Variants in VAT1L observed in about 807,000 individuals in gnomAD.
The protein encoded by VAT1L is vesicle amine transport 1 like.
In VAT1L, 34 loss-of-function variants were observed where a neutral mutation model predicts 44.1. The ratio of observed to expected loss-of-function variants is 0.77; its 90% CI spans 0.59 to 1.03. The LOEUF (loss-of-function observed/expected upper bound fraction) is 1.03, where lower values mean the gene tolerates loss of function less well. Among genes scored for constraint, VAT1L ranks in the 50% least tolerant of loss-of-function variants. The pLI is 0.00. For missense variants in VAT1L, 615 were observed against 538.8 expected (o/e 1.14, Z -1.40); for synonymous variants, 253 against 202.2 (o/e 1.25, Z -2.13).
intron 7 of VAT1L, among the ~76,000 whole-genome samples, chr16:77,963,400 A>G (rs648251): frequency 0.087 from 13,189 of 152,170 alleles, 768 homozygotes; most frequent in Non-Finnish European, 0.12. Context: ...GGCTTCTTCT[A>G]AAGACGGGAA....
At chr16:77,909,821 C>G (rs145966036) in intron 7 of VAT1L, among the ~76,000 whole-genome samples, 1,551 of 152,122 alleles carry the variant, frequency 0.01, 8 homozygotes, top group Non-Finnish European at 0.016. Context: ...GGGATTTGAA[C>G]CGACATCACT....
At chr16:77,946,737 C>G (rs971218544) in intron 7 of VAT1L, among the ~76,000 whole-genome samples, 1 of 152,204 alleles carries the variant, frequency 6.6e-6, no homozygotes, top group African/African-American at 2.4e-5. Flanking sequence ...ACCTACCTCC[C>G]CAACTTACCA....
chr16:77,852,042 T>A (rs1471507349), intron 3 of VAT1L, among the ~76,000 whole-genome samples: 2 of 152,156 alleles, frequency 1.3e-5, no homozygotes, highest in African/African-American at 4.8e-5. Context: ...GCTTTGGGTC[T>A]TGTTCTGAAA....
At chr16:77,848,826 G>A (rs962055886) in intron 3 of VAT1L, among the ~76,000 whole-genome samples, 1 of 152,122 alleles carries the variant, frequency 6.6e-6, no homozygotes, top group Non-Finnish European at 1.5e-5. Flanking sequence ...TAAATAAAAT[G>A]TGGCACATAT....
chr16:77,793,478 G>A (rs1324124786), intron 1 of VAT1L, among the ~76,000 whole-genome samples: 2 of 152,172 alleles, frequency 1.3e-5, no homozygotes, highest in Admixed American at 1.3e-4. Flanking sequence ...TCAGAACTGT[G>A]CCTTTGCTGC....
chr16:77,952,855 T>A (rs1269259430), intron 7 of VAT1L, among the ~76,000 whole-genome samples: 8 of 92,234 alleles, frequency 8.7e-5, no homozygotes, highest in African/African-American at 1.7e-4. Context: ...AGACTCCATT[T>A]AAAAAAAAAA....
chr16:77,873,081 T>C lies in VAT1L; in HGVS notation c.723-3289T>C, dbSNP rs916719551. ...TCAAGACAAAATTTAAGCCTGGATT[T>C]TTCAGAGACTAAATTAAATTGGCTG... is the stretch of plus-strand genomic sequence containing the variant. On this transcript the variant is annotated intron_variant, in intron 4 of 8. Coordinates refer to ENST00000302536, the MANE Select transcript of VAT1L (RefSeq NM_020927.3). 3.1e-4 allele frequency among the ~76,000 whole-genome samples: 47 copies of C among 152,344 alleles called. 1 individual carries two copies. The highest frequency in any genetic ancestry group is 1.1e-3 in the African/African-American group (44 of 41,578).
chr16:77,954,656 C>G lies in VAT1L; in HGVS notation c.1078-17194C>G, dbSNP rs750044570. On this transcript the variant is annotated intron_variant, in intron 7 of 8. Transcript: ENST00000302536. ...AAATAATAAATAAATGGAACATCAT[C>G]TCCCCCTCTCAGGGGCATCTTAGCC... is the stretch of plus-strand genomic sequence containing the variant. 5.3e-5 allele frequency among the ~76,000 whole-genome samples: 8 copies of G among 152,292 alleles called. No homozygotes were observed. The South Asian group carries it at 8.3e-4, about 16-fold the overall frequency.
At chr16:77,908,588 T>C (rs1046668610) in intron 7 of VAT1L, among the ~76,000 whole-genome samples, 1 of 151,320 alleles carries the variant, frequency 6.6e-6, no homozygotes, top group Non-Finnish European at 1.5e-5. Context: ...GAGGTGCTCA[T>C]TGTAGGATCG....
At chr16:77,840,246 G>T (rs146809190) in intron 3 of VAT1L, among the ~76,000 whole-genome samples, 95 of 152,278 alleles carry the variant, frequency 6.2e-4, no homozygotes, top group African/African-American at 2.2e-3. Context: ...AAAGCAAATG[G>T]GCAGTCCAGC....
intron 3 of VAT1L, among the ~76,000 whole-genome samples, chr16:77,837,499 T>A (rs554529971): frequency 6.6e-6 from 1 of 152,294 alleles, no homozygotes; most frequent in African/African-American, 2.4e-5. Flanking sequence ...GAACCCTTCA[T>A]CCCCTGTATC....
At chr16:77,866,318 TG>T (rs1421294163) in intron 4 of VAT1L, among the ~76,000 whole-genome samples, 2 of 152,200 alleles carry the variant, frequency 1.3e-5, no homozygotes, top group Non-Finnish European at 2.9e-5. Flanking sequence ...CAGTCGATTA[TG>T]CCACACCCAC....
chr16:77,804,325 A>G (rs576745218), intron 1 of VAT1L, among the ~76,000 whole-genome samples: 2 of 152,294 alleles, frequency 1.3e-5, no homozygotes, highest in East Asian at 3.9e-4. Context: ...CAGGTCTCAA[A>G]GTCAAAAGAG....
intron 3 of VAT1L, among the ~76,000 whole-genome samples, chr16:77,830,831 G>A (rs567116473): frequency 2.0e-5 from 3 of 152,264 alleles, no homozygotes; most frequent in Admixed American, 6.5e-5. Flanking sequence ...TTACAGGCCC[G>A]AGCCACCATG....
chr16:77,789,844 T>C (rs2015800861), intron 1 of VAT1L, among the ~76,000 whole-genome samples: 1 of 152,096 alleles, frequency 6.6e-6, no homozygotes, highest in Non-Finnish European at 1.5e-5. Flanking sequence ...AGTTTAAGCC[T>C]CTCTGTGTGC....
intron 7 of VAT1L, among the ~76,000 whole-genome samples, chr16:77,909,190 G>A (rs1476277333): frequency 6.6e-6 from 1 of 152,304 alleles, no homozygotes; most frequent in Admixed American, 6.5e-5. Context: ...GAGGAGTAAA[G>A]TCGCTTGCCT....
chr16:77,949,205 G>A (rs1010201099), intron 7 of VAT1L, among the ~76,000 whole-genome samples: 6 of 152,162 alleles, frequency 3.9e-5, no homozygotes, highest in Non-Finnish European at 5.9e-5. Context: ...CAATACACAC[G>A]TGGAGATTAG....
chr16:77,805,859 C>G (rs1176962783), intron 1 of VAT1L, among the ~76,000 whole-genome samples: 1 of 65,166 alleles, frequency 1.5e-5, no homozygotes, highest in Non-Finnish European at 4.3e-5. Flanking sequence ...TTTCCTTAGT[C>G]TCTGCCTTTT....
chr16:77,938,706 G>C (rs1240470172), intron 7 of VAT1L, among the ~76,000 whole-genome samples: 1 of 152,072 alleles, frequency 6.6e-6, no homozygotes, highest in Non-Finnish European at 1.5e-5. Flanking sequence ...CATGCTTCCT[G>C]TACAGGCTGC....
Sources: allele counts gnomAD v4.1 joint callset (sites outside exome capture counted in the v4.1 genomes callset), GRCh38; gene constraint gnomAD v4.1.1; transcripts MANE v1.5; gene names NCBI Gene and HGNC (gene_info 2026-07-23, HGNC 2026-07-21).